Variants in DNAJC22 observed in about 807,000 individuals in gnomAD.
DNAJC22 encodes the protein DnaJ heat shock protein family (Hsp40) member C22.
DNAJC22 carries 24 observed loss-of-function variants against 22.2 expected under a neutral mutation model. The observed-to-expected ratio is 1.08, with a 90% CI of 0.78 to 1.52. The LOEUF is 1.52. DNAJC22 is among the 40% of genes most tolerant of loss of function. The pLI is 0.00. For missense variants in DNAJC22, 434 were observed against 421.7 expected, an observed-to-expected ratio of 1.03 and a Z score of -0.26; for synonymous variants, 160 against 167.4, an observed-to-expected ratio of 0.96 and a Z score of 0.34.
rs1943790829 is a variant in DNAJC22, at chr12:49,351,931, G to A, written c.*429G>A. On this transcript the variant is annotated 3_prime_UTR_variant, in exon 4 of 4. Transcript: ENST00000549441. ...AAAAAAAAAGAAAGAAAAACTGCTT[G>A]CAGGGGACATGAGAAAACAATGGGG... 1 of 152,168 alleles carries A rather than the reference G, an allele frequency of 6.6e-6. No individual in the cohort carries two copies. Among genetic ancestry groups the A allele is most frequent in the Non-Finnish European group, 1.5e-5 (1 of 68,298 alleles). 9.4% of individuals were successfully genotyped at this position (152,168 alleles called of 1,614,324 possible). A position where few individuals can be genotyped will look rare whatever the true frequency, so the allele number is the denominator to read the frequency against.
In DNAJC22 at chr12:49,349,213, T is replaced by A. The variant is rs1467507046; in HGVS notation, c.341T>A (p.Val114Asp). ...TATATTGTGGCCCTCCCACTGGCAGTTGGCTTAGGGGTCTTGCTGGTGGCT... is the reference window on the plus strand; with the variant it reads ...TATATTGTGGCCCTCCCACTGGCAGATGGCTTAGGGGTCTTGCTGGTGGCT... ...NFYIVALPLAVGLGVLLVAAV... is the reference protein window; with the variant it reads ...NFYIVALPLADGLGVLLVAAV... The change falls in exon 3 of 4, where the codon GTT becomes GAT. Residue 114 changes from valine to aspartate, a missense_variant. Physicochemically the swap from Val to Asp is radical, Grantham distance 152 (BLOSUM62 -3). Transcript: ENST00000549441. 2 of 1,614,182 alleles carry A rather than the reference T, an allele frequency of 1.2e-6. No homozygotes were observed. Among genetic ancestry groups the A allele is most frequent in the South Asian group, 2.2e-5 (2 of 91,086 alleles).
chr12:49,349,044 C>T lies in DNAJC22; in HGVS notation c.172C>T (p.Gln58Ter), dbSNP rs1255339276. ...EFWKLPSFVA[Q>*]ANRAQGQRQS... ...CTGGAAGCTCCCAAGCTTTGTAGCT[C>T]AGGCCAACAGAGCCCAGGGACAGAG... Residue 58 changes from glutamine to a stop codon, truncating the protein, a stop_gained, in exon 3 of 4, where the codon CAG (glutamine) becomes TAG (stop). Transcript: ENST00000549441. LOFTEE classifies it high-confidence loss of function. The T allele has an allele frequency of 6.2e-7, 1 of 1,608,346 alleles. No individual in the cohort carries two copies. Among genetic ancestry groups the T allele is most frequent in the African/African-American group, 1.3e-5 (1 of 74,610 alleles).
At position 49,353,607 on chromosome 12, in the gene DNAJC22, A is replaced by G. The variant is rs748787295; in HGVS notation, c.*2105A>G. 2 of 152,214 alleles carry G rather than the reference A, an allele frequency of 1.3e-5. No homozygotes were observed. The highest frequency in any genetic ancestry group is 2.9e-5 in the Non-Finnish European group (2 of 68,058). 9.4% of individuals were successfully genotyped at this position (152,214 alleles called of 1,614,324 possible). On this transcript the variant is annotated 3_prime_UTR_variant, in exon 4 of 4. Coordinates refer to ENST00000549441, the MANE Select transcript of DNAJC22 (RefSeq NM_001304944.2). Reference sequence around the variant, plus strand: ...GGCTGCAGTGAGCTGAGATCGTACCACTACACTCCAGCCTGAGTGACACAG... The same window carrying G: ...GGCTGCAGTGAGCTGAGATCGTACCGCTACACTCCAGCCTGAGTGACACAG...
intron 3 of DNAJC22, 176 bp from the exon 4 acceptor site, chr12:49,351,141 C>A (rs933493437): frequency 3.0e-6 from 4 of 1,328,124 alleles, no homozygotes; most frequent in Non-Finnish European, 3.8e-6. Context: ...TAATTTTTTT[C>A]TTTTATTATT....
Position 49,351,414 on chromosome 12 carries a change from C to G in DNAJC22, c.938C>G (p.Thr313Arg), listed in dbSNP as rs775282383. 1.2e-6 allele frequency: 2 copies of G among 1,611,408 alleles called. No individual in the cohort carries two copies. The highest frequency in any genetic ancestry group is 2.2e-5 in the South Asian group (2 of 90,878). ...CACCCAGACCACAACCTGGACCAGA[C>G]AGAGGAGGCACAGAGGCACTTCCTG... ...VWHPDHNLDQ[T>R]EEAQRHFLEI... The change falls in exon 4 of 4, where the codon ACA (threonine) becomes AGA (arginine). Residue 313 changes from threonine to arginine, a missense_variant. Coordinates refer to ENST00000549441, the MANE Select transcript of DNAJC22 (RefSeq NM_001304944.2).
Position 49,349,401 on chromosome 12 carries a change from C to G in DNAJC22, c.529C>G (p.Pro177Ala). 1.2e-6 allele frequency: 2 copies of G among 1,609,386 alleles called. No homozygotes were observed. The highest frequency in any genetic ancestry group is 1.7e-6 in the Non-Finnish European group (2 of 1,178,088). ...RRYKALVASEPLSVRLYRLGL... is the reference protein window; with the variant it reads ...RRYKALVASEALSVRLYRLGL... ...CTACAAAGCTTTGGTGGCATCAGAG[C>G]CGCTCAGTGTGCGGCTCTATCGTCT... The change falls in exon 3 of 4, where the codon CCG becomes GCG. Residue 177 changes from proline to alanine, a missense_variant. Coordinates refer to ENST00000549441, the MANE Select transcript of DNAJC22 (RefSeq NM_001304944.2).
In DNAJC22 at chr12:49,347,061, A is replaced by G. The variant is rs761015974; in HGVS notation, c.-1060A>G. On this transcript the variant is annotated 5_prime_UTR_variant, in exon 1 of 4. Transcript: ENST00000549441. The stretch of plus-strand genomic sequence containing the variant: ...CTGGGGGACCTCGGAGATCCACGAG[A>G]TTGCCAGAGAAGGAAATTGAGGCCC... The G allele has an allele frequency of 1.3e-5, 2 of 152,284 alleles. No homozygotes were observed. The highest frequency in any genetic ancestry group is 2.9e-5 in the Non-Finnish European group (2 of 68,088). 9.4% of individuals were successfully genotyped at this position (152,284 alleles called of 1,614,324 possible). A position where few individuals can be genotyped will look rare whatever the true frequency, so the allele number is the denominator to read the frequency against.
At position 49,349,695 on chromosome 12, in the gene DNAJC22, C is replaced by T. The variant is rs200327446; in HGVS notation, c.823C>T (p.Arg275Cys). 225 of 1,614,082 alleles carry T rather than the reference C, an allele frequency of 1.4e-4. No homozygotes were observed. Among genetic ancestry groups the T allele is most frequent in the Non-Finnish European group, 1.9e-4 (223 of 1,180,042 alleles). Residue 275 changes from arginine to cysteine, a missense_variant, in exon 3 of 4, where the codon CGT becomes TGT. Physicochemically the swap from Arg to Cys is radical, Grantham distance 180. Transcript: ENST00000549441. The stretch of plus-strand genomic sequence containing the variant: ...TGTTCACAGTTTTCAGGATGAGAAG[C>T]GTCAGCTGGCTTACCAGGTAAGGCT... ...EFVHSFQDEK[R>C]QLAYQVLGLS...
chr12:49,351,176 C>A, intron 3 of DNAJC22, 141 bp from the exon 4 acceptor site: 2 of 1,470,506 alleles, frequency 1.4e-6, no homozygotes, highest in Non-Finnish European at 1.8e-6. Context: ...GAATTCTAAC[C>A]TGAGCTGCTG....
chr12:49,350,594 G>A (rs1448512738), intron 3 of DNAJC22, among the ~76,000 whole-genome samples: 3 of 149,348 alleles, frequency 2.0e-5, no homozygotes, highest in Non-Finnish European at 4.4e-5. Flanking sequence ...TGCCTCCCAG[G>A]TTCAAGTGAT....
chr12:49,349,663 A>G lies in DNAJC22; in HGVS notation c.791A>G (p.Tyr264Cys), dbSNP rs1286648093. 9.9e-6 allele frequency: 16 copies of G among 1,614,210 alleles called. No homozygotes were observed. The highest frequency in any genetic ancestry group is 3.3e-5 in the South Asian group (3 of 91,088). ...TGCTTTCAGGAGTGGGCGAAGCTCT[A>G]TGAGTTTGTTCACAGTTTTCAGGAT... The part of the protein sequence containing the change: ...SSCFQEWAKL[Y>C]EFVHSFQDEK... The change falls in exon 3 of 4, where the codon TAT becomes TGT. Residue 264 changes from tyrosine to cysteine, a missense_variant. By Grantham distance (194) the Tyr-to-Cys change is radical. Coordinates refer to ENST00000549441, the MANE Select transcript of DNAJC22 (RefSeq NM_001304944.2).
rs942176555 is a variant in DNAJC22 at position 49,351,520 on chromosome 12, A to G, written c.*18A>G. On this transcript the variant is annotated 3_prime_UTR_variant, in exon 4 of 4. Transcript: ENST00000549441. The stretch of plus-strand genomic sequence containing the variant: ...GGAGGTGAAAAGAAACTTCCCCCTG[A>G]GGACTGACTCTTCCTAGCAGAGCTG... 4 of 1,519,838 alleles carry G rather than the reference A, an allele frequency of 2.6e-6. No homozygotes were observed. The African/African-American group carries it at 5.7e-5, about 22-fold the overall frequency. The allele number at this position is 1,519,838 out of a possible 1,614,324, so 94.1% of individuals were successfully genotyped here.
Position 49,349,234 on chromosome 12 carries a change from T to TTA in DNAJC22, c.362_363insTA (p.Ala122ArgfsTer30), listed in dbSNP as rs781027654. On this transcript the variant is annotated frameshift_variant, in exon 3 of 4. Coordinates refer to ENST00000549441, the MANE Select transcript of DNAJC22 (RefSeq NM_001304944.2). LOFTEE classifies it high-confidence loss of function. ...GCAGTTGGCTTAGGGGTCTTGCTGGTGGCTGCTGTTGGCAACCAGACCTCA... is the reference window on the plus strand; with the variant it reads ...GCAGTTGGCTTAGGGGTCTTGCTGGTTAGGCTGCTGTTGGCAACCAGACCTCA... 1 of 1,614,222 alleles carries TTA rather than the reference T, an allele frequency of 6.2e-7. No individual in the cohort carries two copies. The highest frequency in any genetic ancestry group is 8.5e-7 in the Non-Finnish European group (1 of 1,180,040).
chr12:49,349,894 T>G lies in DNAJC22; in HGVS notation c.840+182T>G, dbSNP rs542957685. On this transcript the variant is annotated intron_variant, in intron 3 of 3. Coordinates refer to ENST00000549441, the MANE Select transcript of DNAJC22 (RefSeq NM_001304944.2). ...AAATATATGTGTATATTATTTACTT[T>G]TTATTGAGGTACAACATATATAAAT... 13 of 982,568 alleles carry G rather than the reference T, an allele frequency of 1.3e-5. No homozygotes were observed. In the East Asian group the frequency reaches 1.4e-3, roughly 103 times the overall value. The allele number at this position is 982,568 out of a possible 1,614,324, so 60.9% of individuals were successfully genotyped here. A position where few individuals can be genotyped will look rare whatever the true frequency, so the allele number is the denominator to read the frequency against.
rs1230021546 is a variant in DNAJC22, at chr12:49,352,929, C to G, written c.*1427C>G. 1.3e-5 allele frequency: 2 copies of G among 152,164 alleles called. No individual in the cohort carries two copies. Among genetic ancestry groups the G allele is most frequent in the African/African-American group, 4.8e-5 (2 of 41,420 alleles). 9.4% of individuals were successfully genotyped at this position (152,164 alleles called of 1,614,324 possible). ...TACCCTACTCCTAGAAGCATACAAT[C>G]TGATGGGAGATAATGACACAGGTAC... On this transcript the variant is annotated 3_prime_UTR_variant, in exon 4 of 4. Transcript: ENST00000549441.
Position 49,348,844 on chromosome 12 carries a change from G to A in DNAJC22, c.-29G>A, listed in dbSNP as rs371051059. On this transcript the variant is annotated 5_prime_UTR_variant, in exon 3 of 4. Coordinates refer to ENST00000549441, the MANE Select transcript of DNAJC22 (RefSeq NM_001304944.2). ...GAGACTTCTGTGCTGCGAGTAACCG[G>A]ACTTGTTCTGAGACCTTTGCCCTAG... 2.9e-5 allele frequency: 43 copies of A among 1,466,506 alleles called. No individual in the cohort carries two copies. Among genetic ancestry groups the A allele is most frequent in the Non-Finnish European group, 3.2e-5 (35 of 1,109,102 alleles). 90.8% of individuals were successfully genotyped at this position (1,466,506 alleles called of 1,614,324 possible).
In DNAJC22 at chr12:49,348,795, G is replaced by A; in HGVS notation, c.-78G>A. 7.0e-7 allele frequency: 1 copy of A among 1,430,016 alleles called. No individual in the cohort carries two copies. The highest frequency in any genetic ancestry group is 9.2e-7 in the Non-Finnish European group (1 of 1,090,510). The allele number at this position is 1,430,016 out of a possible 1,614,324, so 88.6% of individuals were successfully genotyped here. A position where few individuals can be genotyped will look rare whatever the true frequency, so the allele number is the denominator to read the frequency against. On this transcript the variant is annotated 5_prime_UTR_variant, in exon 3 of 4. Coordinates refer to ENST00000549441, the MANE Select transcript of DNAJC22 (RefSeq NM_001304944.2). ...TAAGGATAACTCTGGGGCCATGACA[G>A]CCATGAGTCTCACAGAGGACCCCGA...
At position 49,349,299 on chromosome 12, in the gene DNAJC22, C is replaced by A; in HGVS notation, c.427C>A (p.Pro143Thr). 6.2e-7 allele frequency: 1 copy of A among 1,614,094 alleles called. No homozygotes were observed. Among genetic ancestry groups the A allele is most frequent in the Non-Finnish European group, 8.5e-7 (1 of 1,179,994 alleles). ...TCTGGGGTCAGCATTTCTCACTTCA[C>A]CTATCTTCTATGGCCGCCCCATAGC... ...NTLGSAFLTSPIFYGRPIAIL... is the reference protein window; with the variant it reads ...NTLGSAFLTSTIFYGRPIAIL... The change falls in exon 3 of 4, where the codon CCT becomes ACT. Residue 143 changes from proline (P) to threonine (T), a missense_variant. Physicochemically the swap from Pro to Thr is conservative, Grantham distance 38 (BLOSUM62 -1). Transcript: ENST00000549441.
chr12:49,353,622 G>A lies in DNAJC22; in HGVS notation c.*2120G>A, dbSNP rs1434146860. The A allele has an allele frequency of 6.6e-6, 1 of 152,192 alleles. No homozygotes were observed. The highest frequency in any genetic ancestry group is 1.5e-5 in the Non-Finnish European group (1 of 68,074). The allele number at this position is 152,192 out of a possible 1,614,324, so 9.4% of individuals were successfully genotyped here. On this transcript the variant is annotated 3_prime_UTR_variant, in exon 4 of 4. Transcript: ENST00000549441. ...AGATCGTACCACTACACTCCAGCCT[G>A]AGTGACACAGTGACAGCCTGTCTCA...
Sources: gnomAD v4.1 joint callset for allele counts (sites outside exome capture counted in the v4.1 genomes callset) on GRCh38, gnomAD v4.1.1 for gene constraint, MANE v1.5 for transcripts, NCBI Gene and HGNC (gene_info 2026-07-23, HGNC 2026-07-21) for gene names.